Variants in DRC4 observed in about 807,000 individuals in gnomAD.
DRC4 encodes the protein dynein regulatory complex subunit 4, also known as GAS-11.
the DRC4 span, chr16:90,029,547 G>T: frequency 9.4e-6 from 3 of 319,714 alleles, no homozygotes; most frequent in Non-Finnish European, 1.9e-5. Flanking sequence ...GTGACGTGAA[G>T]ACATTTGTCG....
At chr16:90,022,521 C>T in the DRC4 span, 1 of 500,578 alleles carries the variant, frequency 2.0e-6, no homozygotes, top group South Asian at 3.6e-5. Flanking sequence ...CGACATTTTC[C>T]CAACGTTCAC....
At chr16:90,031,136 C>A in the DRC4 span, 51 of 1,473,364 alleles carry the variant, frequency 3.5e-5, no homozygotes, top group Non-Finnish European at 4.3e-5. Context: ...ATTCTGTCTC[C>A]GGAGCTTCCT....
the DRC4 span, chr16:90,027,946 G>A: frequency 1.8e-6 from 1 of 550,642 alleles, no homozygotes. Flanking sequence ...TAACAGGGTG[G>A]TAGGAGTGTG....
chr16:90,042,006 C>T, the DRC4 span, among the ~76,000 whole-genome samples: 10 of 152,062 alleles, frequency 6.6e-5, no homozygotes, highest in South Asian at 2.1e-4. Flanking sequence ...GGCTCAATCT[C>T]GGCGCACTGC....
chr16:90,038,691 C>T, the DRC4 span, among the ~76,000 whole-genome samples: 1 of 152,150 alleles, frequency 6.6e-6, no homozygotes, highest in African/African-American at 2.4e-5. Context: ...TCACCTGCAC[C>T]AGATCTGACA....
At chr16:90,043,630 A>C in the DRC4 span, 2 of 577,358 alleles carry the variant, frequency 3.5e-6, no homozygotes, top group African/African-American at 1.9e-5. Flanking sequence ...GCACCTTCTC[A>C]GAGTGCCCCG....
At chr16:90,041,613 G>A in the DRC4 span, among the ~76,000 whole-genome samples, 1 of 152,130 alleles carries the variant, frequency 6.6e-6, no homozygotes, top group Non-Finnish European at 1.5e-5. Context: ...AGACCAGCCT[G>A]GCCAAGATGG....
chr16:90,037,772 C>T, the DRC4 span: 1 of 1,614,088 alleles, frequency 6.2e-7, no homozygotes, highest in Non-Finnish European at 8.5e-7. Context: ...TGCACAAAAG[C>T]CCGTTTGAAA....
the DRC4 span, among the ~76,000 whole-genome samples, chr16:90,031,914 C>T: frequency 2.6e-5 from 4 of 151,142 alleles, no homozygotes; most frequent in Non-Finnish European, 4.4e-5. Context: ...GGTGAGGAGG[C>T]GTGGCCAGGT....
At chr16:90,040,176 G>A in the DRC4 span, 5 of 891,954 alleles carry the variant, frequency 5.6e-6, no homozygotes, top group South Asian at 7.7e-5. Context: ...CCGGTGCTGT[G>A]GGAGTGGGCA....
chr16:90,025,225 G>A, the DRC4 span, among the ~76,000 whole-genome samples: 1 of 150,446 alleles, frequency 6.6e-6, no homozygotes, highest in Non-Finnish European at 1.5e-5. Flanking sequence ...CACCATGTTG[G>A]CCAGGCTGGT....
chr16:90,044,317 C>G, the DRC4 span: 17 of 421,364 alleles, frequency 4.0e-5, no homozygotes, highest in Non-Finnish European at 8.0e-5. Flanking sequence ...CGGGTGTGTC[C>G]TCGTAGAGTC....
the DRC4 span, among the ~76,000 whole-genome samples, chr16:90,028,172 C>CTTTTTTTT: frequency 5.3e-5 from 4 of 74,996 alleles, no homozygotes; most frequent in Admixed American, 1.4e-4. Flanking sequence ...ATTAATCGTT[C>CTTTTTTTT]ATTTTTTTTT....
chr16:90,036,493 G>A, the DRC4 span: 37 of 1,614,130 alleles, frequency 2.3e-5, no homozygotes, highest in African/African-American at 2.9e-4. Context: ...AGATCCACAC[G>A]CTGATGCAGC....
chr16:90,036,248 T>A, the DRC4 span: 1 of 764,356 alleles, frequency 1.3e-6, no homozygotes. Context: ...TGTTCTTCTC[T>A]TGCAGAGCTT....
the DRC4 span, chr16:90,040,658 G>A: frequency 3.7e-6 from 1 of 267,974 alleles, no homozygotes; most frequent in East Asian, 3.7e-5. Flanking sequence ...GGCCAGTTTC[G>A]GGCCAGTTGG....
the DRC4 span, among the ~76,000 whole-genome samples, chr16:90,030,441 A>C: frequency 6.6e-6 from 1 of 152,026 alleles, no homozygotes; most frequent in African/African-American, 2.4e-5. Flanking sequence ...CCCAGGTCCA[A>C]ACGATCCTCC....
the DRC4 span, chr16:90,043,232 C>T: frequency 3.1e-6 from 5 of 1,613,642 alleles, no homozygotes; most frequent in African/African-American, 4.0e-5. Context: ...TGAGGCAAAG[C>T]TGCTGGCCTT....
chr16:90,021,735 G>T, the DRC4 span, among the ~76,000 whole-genome samples: 2 of 151,816 alleles, frequency 1.3e-5, no homozygotes, highest in Non-Finnish European at 2.9e-5. Flanking sequence ...TGGGTATGGT[G>T]TCTCACACCT....
Sources: allele counts gnomAD v4.1 joint callset (sites outside exome capture counted in the v4.1 genomes callset), GRCh38; gene constraint gnomAD v4.1.1; transcripts MANE v1.5; gene names NCBI Gene and HGNC (gene_info 2026-07-23, HGNC 2026-07-21).